Variants in LDLRAD4 observed in about 807,000 individuals in gnomAD.
The protein encoded by LDLRAD4 is low-density lipoprotein receptor class A domain-containing protein 4.
A neutral mutation model predicts 17.0 loss-of-function variants in LDLRAD4; 5 were observed. That is an observed-to-expected ratio of 0.29 (90% CI 0.15 to 0.62). The LOEUF (loss-of-function observed/expected upper bound fraction) is 0.62, where lower values mean the gene tolerates loss of function less well. Ranked by LOEUF, LDLRAD4 falls within the 20% of genes least tolerant of loss-of-function variation. The pLI, the probability that LDLRAD4 is intolerant of heterozygous loss-of-function variation, is 0.84. For synonymous variants in LDLRAD4, 168 were observed against 171.8 expected, an observed-to-expected ratio of 0.98 and a Z score of 0.17; for missense variants, 340 against 424.7, an observed-to-expected ratio of 0.80 and a Z score of 1.75.
intron 3 of LDLRAD4, chr18:13,615,369 T>A (rs139677483): frequency 6.6e-6 from 1 of 152,296 alleles, no homozygotes; most frequent in African/African-American, 2.4e-5. Context: ...CAGTGAAGGA[T>A]AATATATTAG....
At chr18:13,529,449 G>T (rs1248604015) in intron 3 of LDLRAD4, among the ~76,000 whole-genome samples, 1 of 152,188 alleles carries the variant, frequency 6.6e-6, no homozygotes, top group Non-Finnish European at 1.5e-5. Context: ...AATGCATATG[G>T]AGACCTTGGC....
chr18:13,484,274 A>C (rs1480421626), intron 3 of LDLRAD4, among the ~76,000 whole-genome samples: 1 of 152,160 alleles, frequency 6.6e-6, no homozygotes, highest in African/African-American at 2.4e-5. Flanking sequence ...GTATTTTTGG[A>C]TTAGTTTTAG....
intron 1 of LDLRAD4, among the ~76,000 whole-genome samples, chr18:13,255,810 G>C (rs1052108521): frequency 1.3e-5 from 2 of 152,162 alleles, no homozygotes; most frequent in East Asian, 3.9e-4. Context: ...CTGGCCGAGG[G>C]AGATGTGGTG....
chr18:13,541,541 T>C (rs2094282949), intron 3 of LDLRAD4, among the ~76,000 whole-genome samples: 1 of 152,226 alleles, frequency 6.6e-6, no homozygotes, highest in South Asian at 2.1e-4. Context: ...GACATGAGCA[T>C]GTGGAGACTA....
chr18:13,386,454 G>A (rs1049275929), intron 1 of LDLRAD4, among the ~76,000 whole-genome samples: 1 of 151,458 alleles, frequency 6.6e-6, no homozygotes, highest in Non-Finnish European at 1.5e-5. Context: ...CTGCAACCTC[G>A]CCTCCCGGGT....
chr18:13,391,522 G>A (rs527886106), intron 2 of LDLRAD4, among the ~76,000 whole-genome samples: 7 of 152,260 alleles, frequency 4.6e-5, no homozygotes, highest in South Asian at 2.1e-4. Context: ...GTGAATGCTT[G>A]CATACAGGAA....
intron 3 of LDLRAD4, chr18:13,542,366 G>A (rs1475651519): frequency 6.6e-6 from 1 of 152,244 alleles, no homozygotes; most frequent in Non-Finnish European, 1.5e-5. Context: ...TGTCCTCCAG[G>A]ACCCTGGCCC....
chr18:13,348,707 C>T (rs112272728), intron 1 of LDLRAD4, among the ~76,000 whole-genome samples: 9 of 152,144 alleles, frequency 5.9e-5, no homozygotes, highest in African/African-American at 2.2e-4. Flanking sequence ...CCTTGAGCTG[C>T]GGTAGGCTCC....
At chr18:13,601,527 G>A (rs539801098) in intron 3 of LDLRAD4, among the ~76,000 whole-genome samples, 75 of 152,106 alleles carry the variant, frequency 4.9e-4, no homozygotes, top group African/African-American at 1.7e-3. Flanking sequence ...GGTGGCGGGC[G>A]CCTGTAGTCC....
intron 1 of LDLRAD4, among the ~76,000 whole-genome samples, chr18:13,354,362 A>G (rs1366894450): frequency 1.3e-5 from 2 of 152,344 alleles, no homozygotes; most frequent in South Asian, 2.1e-4. Context: ...CTTTTTATTT[A>G]TGAAAAAGGA....
In LDLRAD4 at chr18:13,582,950, A is replaced by G. The variant is rs149696142; in HGVS notation, c.182-38167A>G. 4.2e-3 allele frequency among the ~76,000 whole-genome samples: 639 copies of G among 152,220 alleles called. 8 individuals are homozygous for G. The highest frequency in any genetic ancestry group is 0.022 in the South Asian group (105 of 4,814). On this transcript the variant is annotated intron_variant, in intron 3 of 5. Coordinates refer to ENST00000359446, the Ensembl canonical transcript of LDLRAD4. ...CAGGCTTGTCTCCAACTCTGGCCTC[A>G]AGTGATCTTCCCACCTCAGCTTCCC... is the stretch of plus-strand genomic sequence containing the variant.
chr18:13,535,136 A>G (rs2094185212), intron 3 of LDLRAD4, among the ~76,000 whole-genome samples: 1 of 152,168 alleles, frequency 6.6e-6, no homozygotes, highest in East Asian at 1.9e-4. Flanking sequence ...ATTTCTGTGA[A>G]TATTCACATA....
intron 3 of LDLRAD4, among the ~76,000 whole-genome samples, chr18:13,461,789 A>G (rs1308588785): frequency 6.6e-6 from 1 of 152,208 alleles, no homozygotes; most frequent in East Asian, 1.9e-4. Flanking sequence ...AAAGTGACCA[A>G]TCAGAGGCTA....
At chr18:13,492,211 C>A (rs2093372942) in intron 3 of LDLRAD4, among the ~76,000 whole-genome samples, 1 of 152,194 alleles carries the variant, frequency 6.6e-6, no homozygotes, top group Non-Finnish European at 1.5e-5. Context: ...CTGAGGGGCA[C>A]AGAGGAAGGA....
intron 3 of LDLRAD4, among the ~76,000 whole-genome samples, chr18:13,559,558 G>A (rs997990634): frequency 6.6e-6 from 1 of 151,972 alleles, no homozygotes; most frequent in African/African-American, 2.4e-5. Flanking sequence ...ATATACACAT[G>A]TACACATATA....
intron 5 of LDLRAD4, among the ~76,000 whole-genome samples, chr18:13,644,315 C>T (rs949936368): frequency 4.6e-5 from 7 of 151,164 alleles, no homozygotes; most frequent in Non-Finnish European, 1.0e-4. Flanking sequence ...GACTGTAATC[C>T]TAGCACTTTA....
intron 1 of LDLRAD4, among the ~76,000 whole-genome samples, chr18:13,365,896 C>A (rs550832757): frequency 1.8e-3 from 275 of 152,234 alleles, no homozygotes; most frequent in African/African-American, 6.5e-3. Flanking sequence ...GCCTCAGCCT[C>A]CTGAGTAGCT....
intron 1 of LDLRAD4, among the ~76,000 whole-genome samples, chr18:13,299,276 A>G (rs1422801911): frequency 6.6e-6 from 1 of 152,328 alleles, no homozygotes. Context: ...TGCCTGTTTG[A>G]TATCTTAAAG....
chr18:13,493,783 C>T (rs2093406074), intron 3 of LDLRAD4, among the ~76,000 whole-genome samples: 1 of 152,152 alleles, frequency 6.6e-6, no homozygotes, highest in Non-Finnish European at 1.5e-5. Context: ...GGAAGAGGGG[C>T]ACAGAACAGC....
Sources: gnomAD v4.1 joint callset for allele counts (sites outside exome capture counted in the v4.1 genomes callset) on GRCh38, gnomAD v4.1.1 for gene constraint, MANE v1.5 for transcripts, NCBI Gene and HGNC (gene_info 2026-07-23, HGNC 2026-07-21) for gene names.